Variants in UBA2 observed in about 807,000 individuals in gnomAD.
The protein encoded by UBA2 is SUMO-activating enzyme subunit 2.
UBA2 carries 11 observed loss-of-function variants against 77.2 expected under a neutral mutation model. The observed-to-expected ratio is 0.14, with a 90% CI of 0.09 to 0.24. The LOEUF (loss-of-function observed/expected upper bound fraction) is 0.24. UBA2 is among the 10% of genes least tolerant of loss of function. The pLI, the probability that UBA2 is intolerant of heterozygous loss-of-function variation, is 1.00. For missense variants in UBA2, 487 were observed against 781.7 expected, an observed-to-expected ratio of 0.62 and a Z score of 4.50; for synonymous variants, 278 against 276.7, an observed-to-expected ratio of 1.00 and a Z score of -0.05.
intron 15 of UBA2, among the ~76,000 whole-genome samples, chr19:34,465,904 A>G (rs2075682340): frequency 6.6e-6 from 1 of 152,078 alleles, no homozygotes; most frequent in African/African-American, 2.4e-5. Context: ...ACCCCTTAAA[A>G]CGTGTGTCTT....
intron 15 of UBA2, 59 bp downstream of exon 15, chr19:34,464,190 A>G: frequency 8.6e-7 from 1 of 1,167,236 alleles, no homozygotes; most frequent in Non-Finnish European, 1.3e-6. Flanking sequence ...ACTTTAGACA[A>G]AATGAAGGAA....
At chr19:34,434,262 C>T (rs1398892830) in intron 4 of UBA2, among the ~76,000 whole-genome samples, 2 of 152,074 alleles carry the variant, frequency 1.3e-5, no homozygotes, top group East Asian at 3.9e-4. Flanking sequence ...AGACAGGTAC[C>T]ACCATACCCG....
In UBA2 at chr19:34,430,686, A is replaced by G. The variant is rs754320292; in HGVS notation, c.222+27A>G. 1.9e-5 allele frequency: 29 copies of G among 1,561,974 alleles called. No homozygotes were observed. In the South Asian group the frequency reaches 1.9e-4, roughly 10 times the overall value. On this transcript the variant is annotated intron_variant, in intron 2 of 16. Transcript: ENST00000246548. Reference sequence around the variant, plus strand: ...TAACTATATTTCTCATACCATTTCTATAACTTGATGGAGCTTCTATTTGTG... The same window carrying G: ...TAACTATATTTCTCATACCATTTCTGTAACTTGATGGAGCTTCTATTTGTG...
chr19:34,429,562 G>A (rs187468005), intron 1 of UBA2, among the ~76,000 whole-genome samples: 22 of 152,242 alleles, frequency 1.4e-4, no homozygotes, highest in Admixed American at 1.2e-3. Context: ...ATGAAATTGT[G>A]TATGGATGAA....
At chr19:34,445,208 C>T (rs1454097914) in intron 8 of UBA2, 87 bp downstream of exon 8, 6 of 1,375,602 alleles carry the variant, frequency 4.4e-6, no homozygotes, top group Middle Eastern at 4.0e-4. Context: ...TAAAATAGTC[C>T]ATAAAATTGA....
At chr19:34,431,727 A>G (rs1210388991) in intron 2 of UBA2, 134 bp from the exon 3 acceptor site, 4 of 715,216 alleles carry the variant, frequency 5.6e-6, no homozygotes, top group Non-Finnish European at 9.5e-6. Flanking sequence ...CAATTTTCTC[A>G]CATTTTTGGA....
chr19:34,439,759 G>A (rs1368813893), intron 6 of UBA2, among the ~76,000 whole-genome samples: 1 of 152,172 alleles, frequency 6.6e-6, no homozygotes, highest in Non-Finnish European at 1.5e-5. Context: ...GGTTGAGGCT[G>A]CAGTGAACCG....
chr19:34,464,245 A>G, intron 15 of UBA2, 114 bp downstream of exon 15: 1 of 706,814 alleles, frequency 1.4e-6, no homozygotes. Context: ...TTGAAACTGT[A>G]TAGTATATTT....
Position 34,445,946 on chromosome 19 carries a change from T to C in UBA2, c.771+825T>C, listed in dbSNP as rs1417627705. On this transcript the variant is annotated intron_variant, in intron 8 of 16. Coordinates refer to ENST00000246548, the MANE Select transcript of UBA2 (RefSeq NM_005499.3). ...CCTAATTATTGTTCATCTAGACCCG[T>C]AGGTCCGTGTTTTAAAAGTTTTTTT... 2.0e-5 allele frequency among the ~76,000 whole-genome samples: 3 copies of C among 152,202 alleles called. No individual in the cohort carries two copies. In the East Asian group the frequency reaches 5.8e-4, roughly 29 times the overall value.
At chr19:34,429,046 A>G (rs1164361002) in intron 1 of UBA2, 9 of 985,286 alleles carry the variant, frequency 9.1e-6, no homozygotes, top group South Asian at 4.7e-5. Flanking sequence ...GGGTTTACAC[A>G]CGGAACGCGC....
chr19:34,464,639 CA>C (rs1361626952), intron 15 of UBA2, among the ~76,000 whole-genome samples: 1 of 151,716 alleles, frequency 6.6e-6, no homozygotes, highest in Non-Finnish European at 1.5e-5. Context: ...GGTGGCTTAT[CA>C]GAAAGACCTA....
chr19:34,442,926 A>G (rs1184363298), intron 6 of UBA2, among the ~76,000 whole-genome samples: 1 of 152,252 alleles, frequency 6.6e-6, no homozygotes, highest in East Asian at 1.9e-4. Context: ...GGGGTTGTAC[A>G]AAGGATTTCT....
At chr19:34,453,197 A>G (rs1343879794) in intron 10 of UBA2, among the ~76,000 whole-genome samples, 3 of 152,192 alleles carry the variant, frequency 2.0e-5, no homozygotes, top group Non-Finnish European at 4.4e-5. Context: ...TGACTCAAGG[A>G]ATTTGACTTG....
intron 14 of UBA2, among the ~76,000 whole-genome samples, chr19:34,462,617 G>GA (rs1018030026): frequency 2.6e-5 from 4 of 151,810 alleles, no homozygotes; most frequent in Non-Finnish European, 5.9e-5. Flanking sequence ...TATAAATAAT[G>GA]AAAAAATGTT....
At chr19:34,433,193 T>G in intron 3 of UBA2, 155 bp from the exon 4 acceptor site, 2 of 547,952 alleles carry the variant, frequency 3.6e-6, no homozygotes, top group South Asian at 5.3e-5. Flanking sequence ...CTGCTTATGT[T>G]TGGAAAGAGT....
intron 6 of UBA2, 38 bp downstream of exon 6, chr19:34,438,804 G>C: frequency 6.2e-7 from 1 of 1,607,534 alleles, no homozygotes; most frequent in Admixed American, 1.7e-5. Flanking sequence ...TTTCGGTACT[G>C]ATGATGGAAA....
chr19:34,458,250 T>C (rs767787976), intron 12 of UBA2, among the ~76,000 whole-genome samples: 5 of 151,962 alleles, frequency 3.3e-5, no homozygotes, highest in Non-Finnish European at 7.4e-5. Flanking sequence ...GCCTAGCCTT[T>C]AGCTGATTAG....
intron 16 of UBA2, among the ~76,000 whole-genome samples, chr19:34,467,749 A>G (rs2075703215): frequency 6.6e-6 from 1 of 152,220 alleles, no homozygotes; most frequent in Non-Finnish European, 1.5e-5. Flanking sequence ...TGACAGAGCG[A>G]GGCTTCCGGC....
chr19:34,429,837 A>C (rs1195973021), intron 1 of UBA2, among the ~76,000 whole-genome samples: 1 of 152,164 alleles, frequency 6.6e-6, no homozygotes, highest in East Asian at 1.9e-4. Flanking sequence ...CCCTGTCTCA[A>C]AAAACAAAGA....
Sources: gnomAD v4.1 joint callset for allele counts (sites outside exome capture counted in the v4.1 genomes callset) on GRCh38, gnomAD v4.1.1 for gene constraint, MANE v1.5 for transcripts, NCBI Gene and HGNC (gene_info 2026-07-23, HGNC 2026-07-21) for gene names.